Variants in TXNDC5 observed in about 807,000 individuals in gnomAD.
TXNDC5 encodes thioredoxin domain containing 5, also known as thioredoxin domain-containing protein 5.
TXNDC5 carries 44 observed loss-of-function variants against 52.6 expected under a neutral mutation model. That is an observed-to-expected ratio of 0.84 (90% CI 0.66 to 1.08). The LOEUF (loss-of-function observed/expected upper bound fraction) is 1.08, where lower values mean the gene tolerates loss of function less well. TXNDC5 is among the 50% of genes least tolerant of loss of function. TXNDC5 has a pLI of 0.00. For synonymous variants in TXNDC5, 241 were observed against 234.4 expected (o/e 1.03, Z -0.26); for missense variants, 600 against 565.5 (o/e 1.06, Z -0.62).
chr6:7,881,689 T>G lies in TXNDC5; in HGVS notation c.*1455A>C, dbSNP rs1372916667. 6.6e-6 allele frequency: 1 copy of G among 152,162 alleles called. No homozygotes were observed. Among genetic ancestry groups the G allele is most frequent in the Non-Finnish European group, 1.5e-5 (1 of 68,034 alleles). 9.4% of individuals were successfully genotyped at this position (152,162 alleles called of 1,614,324 possible). A position where few individuals can be genotyped will look rare whatever the true frequency, so the allele number is the denominator to read the frequency against. ...GGGTTTTTTTAAAAAAAGAATTATC[T>G]GTGAACCATACGTGATTAATAAAGA... On this transcript the variant is annotated 3_prime_UTR_variant, in exon 10 of 10. Transcript: ENST00000379757.
At chr6:7,891,531 A>G in intron 5 of TXNDC5, 90 bp downstream of exon 5, 1 of 1,053,036 alleles carries the variant, frequency 9.5e-7, no homozygotes, top group South Asian at 1.5e-5. Flanking sequence ...CAAGTTTGCG[A>G]CTTTGCACAC....
In TXNDC5 at chr6:7,888,763, G is replaced by C. The variant is rs137937387; in HGVS notation, c.905C>G (p.Thr302Arg). 6 of 1,613,940 alleles carry C rather than the reference G, an allele frequency of 3.7e-6. No individual in the cohort carries two copies. The highest frequency in any genetic ancestry group is 5.1e-6 in the Non-Finnish European group (6 of 1,180,020). The stretch of plus-strand genomic sequence containing the variant: ...GGCCTCTGAGGGCGTGACGGTCTCC[G>C]TCGCTCCAGTCTCTGTGCGCTGCAG... ...SQLQRTETGA[T>R]ETVTPSEAPV... The change falls in exon 7 of 10, where the codon ACG becomes AGG. Residue 302 changes from threonine (T) to arginine (R), a missense_variant. Physicochemically the swap from Thr to Arg is moderately conservative, Grantham distance 71. Transcript: ENST00000379757.
intron 7 of TXNDC5, among the ~76,000 whole-genome samples, 187 bp from the exon 8 acceptor site, chr6:7,886,230 C>T (rs1759978298): frequency 6.6e-6 from 1 of 152,184 alleles, no homozygotes; most frequent in Admixed American, 6.5e-5. Context: ...CTGGCAGCCT[C>T]TGAAGGGCAG....
rs1759795552 is a variant in TXNDC5 at position 7,882,466 on chromosome 6, C to T, written c.*678G>A. The T allele has an allele frequency of 6.6e-6, 1 of 152,240 alleles. No homozygotes were observed. Among genetic ancestry groups the T allele is most frequent in the Admixed American group, 6.5e-5 (1 of 15,268 alleles). 9.4% of individuals were successfully genotyped at this position (152,240 alleles called of 1,614,324 possible). On this transcript the variant is annotated 3_prime_UTR_variant, in exon 10 of 10. Transcript: ENST00000379757. Reference sequence around the variant, plus strand: ...AACAGAAGGATCCCCTGAACAGTAACTGATTTGACAAGTATCGACACATAA... The same window carrying T: ...AACAGAAGGATCCCCTGAACAGTAATTGATTTGACAAGTATCGACACATAA...
chr6:7,908,522 A>C lies in TXNDC5; in HGVS notation c.263+1992T>G, dbSNP rs561935320. 6.6e-5 allele frequency among the ~76,000 whole-genome samples: 10 copies of C among 151,758 alleles called. No homozygotes were observed. The East Asian group carries it at 1.9e-3, about 29-fold the overall frequency. ...ATCTGCATGTCAGTTTTTCTTTAAA[A>C]AAAAAAAAAAAGTAAAGAATGGGAT... On this transcript the variant is annotated intron_variant, in intron 1 of 9. Coordinates refer to ENST00000379757, the MANE Select transcript of TXNDC5 (RefSeq NM_030810.5).
intron 7 of TXNDC5, among the ~76,000 whole-genome samples, chr6:7,886,496 TCTC>T (rs1759988407): frequency 1.3e-5 from 2 of 152,120 alleles, no homozygotes; most frequent in South Asian, 2.1e-4. Flanking sequence ...GCCACCCTAT[TCTC>T]CTAGCACCCT....
At chr6:7,907,860 C>T (rs938454296) in intron 1 of TXNDC5, among the ~76,000 whole-genome samples, 12 of 152,310 alleles carry the variant, frequency 7.9e-5, no homozygotes, top group Admixed American at 7.8e-4. Flanking sequence ...GCCTCCTTTC[C>T]TGGCAGCCTA....
chr6:7,884,223 C>G, intron 9 of TXNDC5, 136 bp downstream of exon 9: 1 of 1,219,530 alleles, frequency 8.2e-7, no homozygotes, highest in Non-Finnish European at 1.1e-6. Flanking sequence ...CTTCTCCAAA[C>G]AAACAACTCA....
intron 7 of TXNDC5, among the ~76,000 whole-genome samples, chr6:7,886,755 AT>A (rs1759997536): frequency 1.3e-5 from 2 of 152,174 alleles, no homozygotes; most frequent in Admixed American, 1.3e-4. Context: ...TGGATCTGCG[AT>A]TCTCTCCTGA....
At chr6:7,896,664 G>C (rs1760378694) in intron 3 of TXNDC5, among the ~76,000 whole-genome samples, 1 of 152,172 alleles carries the variant, frequency 6.6e-6, no homozygotes, top group African/African-American at 2.4e-5. Context: ...GGGAAGAATG[G>C]CTAAGTGAAC....
chr6:7,888,646 G>A lies in TXNDC5; in HGVS notation c.963+59C>T, dbSNP rs1028180264. 4 of 1,555,202 alleles carry A rather than the reference G, an allele frequency of 2.6e-6. No individual in the cohort carries two copies. The East Asian group carries it at 6.8e-5, about 27-fold the overall frequency. ...TTGAGGAGGCCTCTGAGGGTGGGGAGGTGGGGGGCCGGGGGCCACGGGCCA... is the reference window on the plus strand; with the variant it reads ...TTGAGGAGGCCTCTGAGGGTGGGGAAGTGGGGGGCCGGGGGCCACGGGCCA... On this transcript the variant is annotated intron_variant, in intron 7 of 9. Transcript: ENST00000379757.
chr6:7,888,886 T>A, intron 6 of TXNDC5, 38 bp from the exon 7 acceptor site: 2 of 1,563,046 alleles, frequency 1.3e-6, no homozygotes, highest in Non-Finnish European at 1.7e-6. Context: ...GTGAGTCCAC[T>A]GAGGTGTTCT....
rs577534909 is a variant in TXNDC5, at chr6:7,882,048, A to G, written c.*1096T>C. 4 of 152,864 alleles carry G rather than the reference A, an allele frequency of 2.6e-5. No homozygotes were observed. Among genetic ancestry groups the G allele is most frequent in the African/African-American group, 7.2e-5 (3 of 41,606 alleles). 9.5% of individuals were successfully genotyped at this position (152,864 alleles called of 1,614,324 possible). ...TGCCACAGCCGTGCACACCAGGGCC[A>G]GAGCAGCCCACTGACATCTGTCTTT... On this transcript the variant is annotated 3_prime_UTR_variant, in exon 10 of 10. Coordinates refer to ENST00000379757, the MANE Select transcript of TXNDC5 (RefSeq NM_030810.5).
At chr6:7,886,422 AC>A (rs1235356903) in intron 7 of TXNDC5, among the ~76,000 whole-genome samples, 3 of 152,038 alleles carry the variant, frequency 2.0e-5, no homozygotes, top group African/African-American at 7.2e-5. Flanking sequence ...TTGAGTCTGC[AC>A]CTCTAAGCCT....
At chr6:7,888,527 C>G (rs889374039) in intron 7 of TXNDC5, among the ~76,000 whole-genome samples, 178 bp downstream of exon 7, 4 of 151,998 alleles carry the variant, frequency 2.6e-5, no homozygotes, top group Non-Finnish European at 5.9e-5. Flanking sequence ...CCCCTGAAAG[C>G]ATGTGAAAGT....
intron 4 of TXNDC5, among the ~76,000 whole-genome samples, chr6:7,894,315 A>G (rs868698310): frequency 4.2e-4 from 63 of 150,180 alleles, no homozygotes; most frequent in African/African-American, 1.4e-3. Context: ...GCTTAGGCTG[A>G]TCTCGAACTC....
At chr6:7,890,548 A>G (rs776172505) in intron 5 of TXNDC5, among the ~76,000 whole-genome samples, 3 of 152,208 alleles carry the variant, frequency 2.0e-5, no homozygotes, top group Admixed American at 6.5e-5. Flanking sequence ...ATAAAATTTC[A>G]TACAATAATT....
At chr6:7,890,806 G>A (rs1231078659) in intron 5 of TXNDC5, among the ~76,000 whole-genome samples, 1 of 152,164 alleles carries the variant, frequency 6.6e-6, no homozygotes, top group African/African-American at 2.4e-5. Flanking sequence ...ACACCACACA[G>A]TAGATCTTAG....
intron 1 of TXNDC5, among the ~76,000 whole-genome samples, chr6:7,909,312 A>C (rs1760833133): frequency 6.6e-6 from 1 of 152,226 alleles, no homozygotes; most frequent in Admixed American, 6.5e-5. Context: ...TTCTGCAACA[A>C]GAACCTGCAG....
Sources: gnomAD v4.1 joint callset for allele counts (sites outside exome capture counted in the v4.1 genomes callset) on GRCh38, gnomAD v4.1.1 for gene constraint, MANE v1.5 for transcripts, NCBI Gene and HGNC (gene_info 2026-07-23, HGNC 2026-07-21) for gene names.